Variants in BICD1 observed in about 807,000 individuals in gnomAD.
The protein encoded by BICD1 is protein bicaudal D homolog 1.
In BICD1, 35 loss-of-function variants were observed where a neutral mutation model predicts 92.5. The ratio of observed to expected loss-of-function variants is 0.38; its 90% CI spans 0.29 to 0.50. BICD1 has a LOEUF of 0.50. Among genes scored for constraint, BICD1 ranks in the 20% least tolerant of loss-of-function variants. The pLI is 0.93. For missense variants in BICD1, 950 were observed against 1,189.8 expected (o/e 0.80, Z 2.97); for synonymous variants, 429 against 465.1 (o/e 0.92, Z 1.00).
chr12:32,217,023 C>T (rs1945380827), intron 2 of BICD1, among the ~76,000 whole-genome samples: 1 of 152,176 alleles, frequency 6.6e-6, no homozygotes, highest in South Asian at 2.1e-4. Flanking sequence ...TGAGCATCCA[C>T]CAAACTCAGT....
intron 2 of BICD1, among the ~76,000 whole-genome samples, chr12:32,246,696 T>C (rs1946398213): frequency 1.3e-5 from 2 of 152,224 alleles, no homozygotes; most frequent in Admixed American, 1.3e-4. Flanking sequence ...TTTATTGTTT[T>C]TACTTTCCTT....
chr12:32,209,112 C>T (rs913976958), intron 1 of BICD1, among the ~76,000 whole-genome samples: 3 of 152,124 alleles, frequency 2.0e-5, no homozygotes, highest in African/African-American at 2.4e-5. Flanking sequence ...TGAGCCACCG[C>T]GCCCAGTCTG....
intron 2 of BICD1, among the ~76,000 whole-genome samples, chr12:32,248,404 T>G (rs1946443523): frequency 6.6e-6 from 1 of 152,038 alleles, no homozygotes; most frequent in Non-Finnish European, 1.5e-5. Flanking sequence ...GGTACCATTA[T>G]TTTCATTTTG....
intron 1 of BICD1, among the ~76,000 whole-genome samples, chr12:32,112,309 T>G (rs1941728795): frequency 6.6e-6 from 1 of 152,174 alleles, no homozygotes; most frequent in South Asian, 2.1e-4. Flanking sequence ...CCCAGCCCCT[T>G]CTTTTTATTT....
chr12:32,351,229 T>C (rs1938859417), intron 8 of BICD1, among the ~76,000 whole-genome samples: 1 of 151,282 alleles, frequency 6.6e-6, no homozygotes. Flanking sequence ...CTCACGCCTG[T>C]AATCCCAGCA....
At chr12:32,246,225 CA>C (rs113610747) in intron 2 of BICD1, among the ~76,000 whole-genome samples, 6,026 of 149,668 alleles carry the variant, frequency 0.04, 438 homozygotes, top group African/African-American at 0.14. Flanking sequence ...CCTGAAGTCC[CA>C]GCTGCTTGGG....
chr12:32,357,712 G>C (rs923437016), intron 8 of BICD1, among the ~76,000 whole-genome samples: 1 of 152,100 alleles, frequency 6.6e-6, no homozygotes, highest in African/African-American at 2.4e-5. Flanking sequence ...CACTGTCCTC[G>C]CATCTCTGTG....
chr12:32,332,521 GCT>G, intron 5 of BICD1: 2 of 864,236 alleles, frequency 2.3e-6, no homozygotes, highest in Non-Finnish European at 2.8e-6. Context: ...TGTGCTAGAT[GCT>G]GAAGATTCAA....
chr12:32,265,510 A>T (rs1464341153), intron 2 of BICD1, among the ~76,000 whole-genome samples: 2 of 151,038 alleles, frequency 1.3e-5, no homozygotes, highest in Admixed American at 1.3e-4. Context: ...AGATTTTAAG[A>T]TCAGCCTGGG....
intron 1 of BICD1, among the ~76,000 whole-genome samples, chr12:32,166,872 G>A (rs1943786634): frequency 6.6e-6 from 1 of 152,178 alleles, no homozygotes; most frequent in Admixed American, 6.5e-5. Context: ...AGGTTTTGGT[G>A]AAAATTGAAT....
At chr12:32,317,848 T>A (rs1239280) in intron 4 of BICD1, among the ~76,000 whole-genome samples, 1 of 151,646 alleles carries the variant, frequency 6.6e-6, no homozygotes, top group Non-Finnish European at 1.5e-5. Flanking sequence ...GTTTTAGGTC[T>A]AACATTTAAG....
At chr12:32,352,781 G>A (rs914387782) in intron 8 of BICD1, 2 of 152,200 alleles carry the variant, frequency 1.3e-5, no homozygotes, top group Non-Finnish European at 2.9e-5. Context: ...GGCTGAGATG[G>A]GAGGATCACT....
At chr12:32,210,380 G>T (rs896990995) in intron 1 of BICD1, among the ~76,000 whole-genome samples, 9 of 152,162 alleles carry the variant, frequency 5.9e-5, no homozygotes, top group African/African-American at 1.9e-4. Flanking sequence ...AAGATAAAAT[G>T]ATATTAAATA....
intron 1 of BICD1, among the ~76,000 whole-genome samples, chr12:32,201,160 T>C (rs1565583227): frequency 6.6e-6 from 1 of 152,230 alleles, no homozygotes; most frequent in Non-Finnish European, 1.5e-5. Flanking sequence ...GAAAATCTCC[T>C]TTCTATGGTT....
At chr12:32,356,998 T>C (rs1939138185) in intron 8 of BICD1, among the ~76,000 whole-genome samples, 1 of 149,798 alleles carries the variant, frequency 6.7e-6, no homozygotes, top group South Asian at 2.1e-4. Flanking sequence ...TAAATTCGAA[T>C]GCAGATTCTC....
chr12:32,289,056 C>T (rs2136185601), intron 2 of BICD1, among the ~76,000 whole-genome samples: 1 of 152,180 alleles, frequency 6.6e-6, no homozygotes, highest in Admixed American at 6.5e-5. Context: ...AGTATAGAAG[C>T]CTCAAGGCAG....
In BICD1 at chr12:32,351,401, C is replaced by T. The variant is rs531435331; in HGVS notation, c.2764+12422C>T. On this transcript the variant is annotated intron_variant, in intron 8 of 9. Coordinates refer to ENST00000652176, the MANE Select transcript of BICD1 (RefSeq NM_001714.4). ...CTCAGGAGGCTGAGGCAGGAGAATT[C>T]GCTTGAACCTGGGAGGTGGAGGCTG... Among the ~76,000 whole-genome samples the T allele has an allele frequency of 1.6e-4, 21 of 132,134 alleles. No individual in the cohort carries two copies. The South Asian group carries it at 5.4e-3, about 34-fold the overall frequency. The allele number at this position is 132,134 out of a possible 152,430, so 86.7% of individuals were successfully genotyped here. A position where few individuals can be genotyped will look rare whatever the true frequency, so the allele number is the denominator to read the frequency against.
At chr12:32,289,534 T>C (rs1394285727) in intron 2 of BICD1, among the ~76,000 whole-genome samples, 1 of 152,212 alleles carries the variant, frequency 6.6e-6, no homozygotes, top group African/African-American at 2.4e-5. Flanking sequence ...TACAGGCGCG[T>C]GCCACCACAC....
intron 2 of BICD1, among the ~76,000 whole-genome samples, chr12:32,257,211 CAAAAAAA>C (rs35294412): frequency 1.3e-5 from 1 of 78,250 alleles, no homozygotes; most frequent in Non-Finnish European, 2.3e-5. Flanking sequence ...GACTCTGTCT[CAAAAAAA>C]AAAAAAAAAA....
Sources: gnomAD v4.1 joint callset for allele counts (sites outside exome capture counted in the v4.1 genomes callset) on GRCh38, gnomAD v4.1.1 for gene constraint, MANE v1.5 for transcripts, NCBI Gene and HGNC (gene_info 2026-07-23, HGNC 2026-07-21) for gene names.